BLTP1: variants seen among roughly 807,000 people sequenced by gnomAD.
BLTP1 encodes bridge-like lipid transfer protein family member 1.
At chr4:122,346,567 G>A in the BLTP1 span, 1 of 1,580,046 alleles carries the variant, frequency 6.3e-7, no homozygotes, top group Non-Finnish European at 8.6e-7. Context: ...TACCTACCAT[G>A]TGAAAACATT....
At chr4:122,162,671 A>G in the BLTP1 span, 2 of 984,984 alleles carry the variant, frequency 2.0e-6, no homozygotes, top group Non-Finnish European at 2.4e-6. Context: ...ACACAAATTA[A>G]ATGTTAAGAA....
the BLTP1 span, chr4:122,170,124 T>C: frequency 2.4e-6 from 1 of 415,300 alleles, no homozygotes; most frequent in Non-Finnish European, 3.2e-6. Context: ...CTGACCAACA[T>C]GGAGAAACCC....
chr4:122,187,070 TTAA>T, the BLTP1 span: 26 of 984,916 alleles, frequency 2.6e-5, no homozygotes, highest in Admixed American at 2.5e-4. Flanking sequence ...TCATTTATGT[TTAA>T]TAATAACTTT....
the BLTP1 span, chr4:122,316,358 G>C: frequency 2.1e-6 from 1 of 472,100 alleles, no homozygotes; most frequent in South Asian, 1.6e-5. Context: ...AGTTCAGATG[G>C]AAGTTCAATA....
the BLTP1 span, among the ~76,000 whole-genome samples, chr4:122,321,686 T>C: frequency 9.2e-5 from 14 of 152,160 alleles, no homozygotes; most frequent in South Asian, 2.7e-3. Flanking sequence ...CTTTTTTAAA[T>C]AGAGATCTAT....
At chr4:122,163,343 C>T in the BLTP1 span, among the ~76,000 whole-genome samples, 1 of 152,114 alleles carries the variant, frequency 6.6e-6, no homozygotes, top group Non-Finnish European at 1.5e-5. Context: ...CGGAGTTATC[C>T]CAAACCAAGA....
chr4:122,272,074 G>A, the BLTP1 span: 4 of 1,489,052 alleles, frequency 2.7e-6, no homozygotes, highest in South Asian at 1.3e-5. Flanking sequence ...GAATGTGAAG[G>A]AAAGAAAGGT....
the BLTP1 span, chr4:122,306,472 C>A: frequency 1.5e-6 from 1 of 678,522 alleles, no homozygotes; most frequent in Non-Finnish European, 1.8e-6. Flanking sequence ...AAGTAGACTA[C>A]ACAGTGGAGT....
chr4:122,275,451 C>T, the BLTP1 span, among the ~76,000 whole-genome samples: 2 of 152,084 alleles, frequency 1.3e-5, no homozygotes, highest in Admixed American at 6.6e-5. Flanking sequence ...ATGGATTCCA[C>T]GAATCCTTCA....
chr4:122,174,469 G>C, the BLTP1 span: 53 of 1,500,016 alleles, frequency 3.5e-5, no homozygotes, highest in East Asian at 1.2e-3. Flanking sequence ...AGTGAGAAGA[G>C]ATGCTTATTG....
chr4:122,210,982 C>T, the BLTP1 span: 7 of 1,612,742 alleles, frequency 4.3e-6, no homozygotes, highest in Non-Finnish European at 5.1e-6. Flanking sequence ...TTCACGCCCA[C>T]CTATTGATCC....
At chr4:122,335,581 G>C in the BLTP1 span, among the ~76,000 whole-genome samples, 3 of 152,122 alleles carry the variant, frequency 2.0e-5, no homozygotes, top group Non-Finnish European at 4.4e-5. Context: ...AGGCACATCT[G>C]TGTCCATTAA....
the BLTP1 span, among the ~76,000 whole-genome samples, chr4:122,312,571 CAAATCTA>C: frequency 6.6e-6 from 1 of 152,028 alleles, no homozygotes; most frequent in Non-Finnish European, 1.5e-5. Context: ...ACTCCAAAAT[CAAATCTA>C]GTTATTTCTT....
the BLTP1 span, chr4:122,225,902 C>G: frequency 1.3e-5 from 2 of 152,136 alleles, no homozygotes; most frequent in African/African-American, 4.8e-5. Context: ...TCCTGCAAGA[C>G]TGGGTACAAT....
At chr4:122,219,575 T>A in the BLTP1 span, 2 of 1,602,138 alleles carry the variant, frequency 1.2e-6, no homozygotes, top group South Asian at 2.2e-5. Context: ...GTTGTAAGTG[T>A]TTACACATGA....
chr4:122,157,097 G>A, the BLTP1 span, among the ~76,000 whole-genome samples: 8 of 152,076 alleles, frequency 5.3e-5, no homozygotes, highest in South Asian at 8.3e-4. Context: ...TTAAGATGAC[G>A]TATATGAATC....
the BLTP1 span, chr4:122,227,243 G>A: frequency 1.0e-6 from 1 of 988,688 alleles, no homozygotes; most frequent in African/African-American, 1.7e-5. Flanking sequence ...TAATGTAATA[G>A]CAAGGTTGGT....
chr4:122,279,767 A>T, the BLTP1 span: 43 of 1,610,762 alleles, frequency 2.7e-5, no homozygotes, highest in Non-Finnish European at 3.6e-5. Flanking sequence ...TTCTTTCTCT[A>T]TTGATAGAAC....
the BLTP1 span, chr4:122,347,927 A>C: frequency 1.6e-6 from 1 of 618,624 alleles, no homozygotes; most frequent in Non-Finnish European, 2.8e-6. Context: ...TCCCCAACAC[A>C]GTAAAAACAA....
Sources: allele counts gnomAD v4.1 joint callset (sites outside exome capture counted in the v4.1 genomes callset), GRCh38; gene constraint gnomAD v4.1.1; transcripts MANE v1.5; gene names NCBI Gene and HGNC (gene_info 2026-07-23, HGNC 2026-07-21).